Variants in GAS2L3 observed in about 807,000 individuals in gnomAD.
GAS2L3 encodes growth arrest specific 2 like 3, also known as GAS2-like protein 3.
In GAS2L3, 28 loss-of-function variants were observed where a neutral mutation model predicts 37.0. That is an observed-to-expected ratio of 0.76 (90% CI 0.56 to 1.04). The LOEUF is 1.04. Ranked by LOEUF, GAS2L3 falls within the 50% of genes least tolerant of loss-of-function variation. GAS2L3 has a pLI of 0.00. For synonymous variants in GAS2L3, 290 were observed against 296.6 expected, an observed-to-expected ratio of 0.98 and a Z score of 0.23; for missense variants, 793 against 817.6, an observed-to-expected ratio of 0.97 and a Z score of 0.37.
intron 9 of GAS2L3, among the ~76,000 whole-genome samples, chr12:100,622,627 A>G (rs1431679987): frequency 2.0e-5 from 3 of 151,780 alleles, no homozygotes; most frequent in Admixed American, 6.6e-5. Context: ...GGCAGTGAGT[A>G]TAATGGGGAA....
chr12:100,602,543 GT>G (rs552559341), intron 5 of GAS2L3, among the ~76,000 whole-genome samples: 2 of 151,772 alleles, frequency 1.3e-5, no homozygotes, highest in Non-Finnish European at 2.9e-5. Context: ...TATTTATGGG[GT>G]ACATGAGATA....
rs754072659 is a variant in GAS2L3 at position 100,623,993 on chromosome 12, G to C, written c.1188G>C (p.Gln396His). ...CAAAAGGCATAACGAAGAAACCGCAGGCTCCTTCAAACAATGCATCATCTT... is the reference window on the plus strand; with the variant it reads ...CAAAAGGCATAACGAAGAAACCGCACGCTCCTTCAAACAATGCATCATCTT... ...KSSKGITKKP[Q>H]APSNNASSSL... Residue 396 changes from glutamine to histidine, a missense_variant, in exon 10 of 10, where the codon CAG (glutamine) becomes CAC (histidine). Physicochemically the swap from Gln to His is conservative, Grantham distance 24. Coordinates refer to ENST00000547754, the MANE Select transcript of GAS2L3 (RefSeq NM_174942.3). 2 of 1,613,914 alleles carry C rather than the reference G, an allele frequency of 1.2e-6. No homozygotes were observed. Among genetic ancestry groups the C allele is most frequent in the Non-Finnish European group, 1.7e-6 (2 of 1,179,974 alleles).
Position 100,624,892 on chromosome 12 carries a change from T to TA in GAS2L3, c.*3dup. 2.6e-6 allele frequency: 4 copies of TA among 1,534,218 alleles called. No individual in the cohort carries two copies. Among genetic ancestry groups the TA allele is most frequent in the Non-Finnish European group, 3.5e-6 (4 of 1,128,386 alleles). On this transcript the variant is annotated 3_prime_UTR_variant, in exon 10 of 10. Transcript: ENST00000547754. ...GGAAGTAAGAAACCTAGAAAATAAA[T>TA]ACATACTCATTATAAAAAAAGAGAA... is the stretch of plus-strand genomic sequence containing the variant.
Position 100,622,266 on chromosome 12 carries a change from T to A in GAS2L3, c.649-9T>A. The A allele has an allele frequency of 1.4e-6, 2 of 1,458,304 alleles. No individual in the cohort carries two copies. The highest frequency in any genetic ancestry group is 1.9e-6 in the Non-Finnish European group (2 of 1,050,286). 90.3% of individuals were successfully genotyped at this position (1,458,304 alleles called of 1,614,324 possible). ...ACAAGCACTAAATTTTATTTGTTCG[T>A]CATCTTAGGTTAAACATATTGCTGA... On this transcript the variant is annotated splice_polypyrimidine_tract_variant and intron_variant, in intron 8 of 9. Transcript: ENST00000547754.
chr12:100,581,793 T>C (rs1258327317), intron 1 of GAS2L3, among the ~76,000 whole-genome samples: 1 of 152,220 alleles, frequency 6.6e-6, no homozygotes, highest in Non-Finnish European at 1.5e-5. Context: ...TTATTTTACT[T>C]AACAAGTTTT....
At chr12:100,578,269 G>C (rs1955663209) in intron 1 of GAS2L3, among the ~76,000 whole-genome samples, 1 of 152,178 alleles carries the variant, frequency 6.6e-6, no homozygotes. Context: ...AGGTGTGAGA[G>C]AGGAGGGAAT....
intron 6 of GAS2L3, 39 bp from the exon 7 acceptor site, chr12:100,617,705 A>C: frequency 1.6e-6 from 2 of 1,245,178 alleles, no homozygotes; most frequent in Non-Finnish European, 2.4e-6. Context: ...TTCCATACTT[A>C]ATTTTGCTGT....
chr12:100,595,924 C>T (rs1955906154), intron 3 of GAS2L3, among the ~76,000 whole-genome samples: 1 of 152,002 alleles, frequency 6.6e-6, no homozygotes, highest in African/African-American at 2.4e-5. Flanking sequence ...TCATAAAAGT[C>T]AGTCTTTCCT....
intron 4 of GAS2L3, 64 bp from the exon 5 acceptor site, chr12:100,601,570 TTTAA>T (rs1357653056): frequency 3.9e-6 from 3 of 776,206 alleles, no homozygotes; most frequent in Non-Finnish European, 6.9e-6. Context: ...TCTGATTCTA[TTTAA>T]TTAATTTTAA....
Position 100,625,123 on chromosome 12 carries a change from CAT to C in GAS2L3, c.*234_*235del, listed in dbSNP as rs1956319488. ...CTGCAAGGTTTTTATTAATAATAGA[CAT>C]GTATATGATTTTCAGTCTATAGCAT... is the stretch of plus-strand genomic sequence containing the variant. On this transcript the variant is annotated 3_prime_UTR_variant, in exon 10 of 10. Coordinates refer to ENST00000547754, the MANE Select transcript of GAS2L3 (RefSeq NM_174942.3). The C allele has an allele frequency of 2.6e-6, 1 of 381,936 alleles. No individual in the cohort carries two copies. Among genetic ancestry groups the C allele is most frequent in the Non-Finnish European group, 4.7e-6 (1 of 213,786 alleles). 23.7% of individuals were successfully genotyped at this position (381,936 alleles called of 1,614,324 possible).
At chr12:100,613,597 TC>T (rs1174473421) in intron 6 of GAS2L3, among the ~76,000 whole-genome samples, 1 of 151,274 alleles carries the variant, frequency 6.6e-6, no homozygotes, top group African/African-American at 2.4e-5. Flanking sequence ...ACCATTTCTT[TC>T]TTTTTTTTTT....
intron 5 of GAS2L3, among the ~76,000 whole-genome samples, chr12:100,605,914 A>C (rs879392990): frequency 2.9e-4 from 44 of 152,000 alleles, no homozygotes; most frequent in African/African-American, 1.0e-3. Flanking sequence ...TTTGTGACCT[A>C]ACATATGATC....
intron 5 of GAS2L3, among the ~76,000 whole-genome samples, chr12:100,610,518 A>ATTT (rs199583019): frequency 1.4e-5 from 2 of 146,028 alleles, no homozygotes; most frequent in Non-Finnish European, 3.0e-5. Flanking sequence ...TATTGGTTTG[A>ATTT]TTTTTTTTTT....
chr12:100,600,845 T>G (rs1333019336), intron 4 of GAS2L3, among the ~76,000 whole-genome samples: 1 of 152,142 alleles, frequency 6.6e-6, no homozygotes, highest in Non-Finnish European at 1.5e-5. Flanking sequence ...AAAATTGTAT[T>G]GGTCTAATTT....
chr12:100,603,317 T>G (rs1956015959), intron 5 of GAS2L3, among the ~76,000 whole-genome samples: 1 of 152,204 alleles, frequency 6.6e-6, no homozygotes, highest in African/African-American at 2.4e-5. Context: ...ATTGCTTGTC[T>G]TTTGGATAAA....
Position 100,623,716 on chromosome 12 carries a change from TA to T in GAS2L3, c.912del (p.Pro305LeufsTer13), listed in dbSNP as rs1314254129. 2 of 1,614,034 alleles carry T rather than the reference TA, an allele frequency of 1.2e-6. No homozygotes were observed. The highest frequency in any genetic ancestry group is 4.5e-5 in the East Asian group (2 of 44,864). On this transcript the variant is annotated frameshift_variant, in exon 10 of 10. Coordinates refer to ENST00000547754, the MANE Select transcript of GAS2L3 (RefSeq NM_174942.3). LOFTEE classifies it low-confidence loss of function (END_TRUNC). ...CAAAAAGGAGTTTCTAATGAAAGTG[TA>T]CCTGATTCGCCTGCCAGAACACCTC... Reference protein sequence around the residue: ...AFQKGVSNESVPDSPARTPQP... With the variant: ...AFQKGVSNESXPDSPARTPQP...
intron 2 of GAS2L3, among the ~76,000 whole-genome samples, chr12:100,594,586 T>A (rs751977568): frequency 4.0e-5 from 6 of 151,772 alleles, no homozygotes; most frequent in Non-Finnish European, 7.4e-5. Flanking sequence ...GTTTTGTTGA[T>A]TTTTTTTCAA....
intron 1 of GAS2L3, among the ~76,000 whole-genome samples, chr12:100,578,026 T>C (rs1200045517): frequency 2.0e-5 from 3 of 152,228 alleles, no homozygotes; most frequent in African/African-American, 7.2e-5. Flanking sequence ...TTAAGGGTTA[T>C]AAGCAGGGCA....
chr12:100,577,974 G>A (rs1458787518), intron 1 of GAS2L3, among the ~76,000 whole-genome samples: 3 of 152,206 alleles, frequency 2.0e-5, no homozygotes, highest in African/African-American at 7.2e-5. Context: ...TGTTAGCTTG[G>A]TTAAGGAGTT....
Sources: allele counts gnomAD v4.1 joint callset (sites outside exome capture counted in the v4.1 genomes callset), GRCh38; gene constraint gnomAD v4.1.1; transcripts MANE v1.5; gene names NCBI Gene and HGNC (gene_info 2026-07-23, HGNC 2026-07-21).